Variants in NLN observed in about 807,000 individuals in gnomAD.
NLN encodes neurolysin, mitochondrial.
Under a neutral mutation model 79.9 loss-of-function variants are expected in NLN, and 64 were observed. The ratio of observed to expected loss-of-function variants is 0.80; its 90% CI spans 0.65 to 0.99. The LOEUF (loss-of-function observed/expected upper bound fraction) is 0.99. Among genes scored for constraint, NLN ranks in the 50% least tolerant of loss-of-function variants. The probability of loss-of-function intolerance (pLI) is 0.00; values close to 1 mark genes in which losing one functional copy is unlikely to be tolerated. For missense variants in NLN, 835 were observed against 858.7 expected (o/e 0.97, Z 0.34); for synonymous variants, 267 against 296.6 (o/e 0.90, Z 1.02).
chr5:65,805,218 T>C (rs1760386717), intron 9 of NLN, among the ~76,000 whole-genome samples: 1 of 152,170 alleles, frequency 6.6e-6, no homozygotes, highest in Non-Finnish European at 1.5e-5. Context: ...AATGTTGAAA[T>C]TAGATTAGTC....
chr5:65,730,482 G>A (rs1207063018), intron 1 of NLN, among the ~76,000 whole-genome samples: 3 of 152,048 alleles, frequency 2.0e-5, no homozygotes, highest in East Asian at 3.8e-4. Flanking sequence ...TAAATGTCAG[G>A]CAAGTAAGTA....
chr5:65,770,669 C>T (rs1759547693), intron 3 of NLN, among the ~76,000 whole-genome samples: 1 of 152,326 alleles, frequency 6.6e-6, no homozygotes, highest in Non-Finnish European at 1.5e-5. Context: ...CCCACTCCCA[C>T]CTCAGTATTT....
At chr5:65,802,153 G>C (rs1760299209) in intron 9 of NLN, among the ~76,000 whole-genome samples, 1 of 152,196 alleles carries the variant, frequency 6.6e-6, no homozygotes, top group African/African-American at 2.4e-5. Context: ...GGGCCCACTG[G>C]GCCCACTCAG....
At chr5:65,821,181 A>T in intron 12 of NLN, among the ~76,000 whole-genome samples, 1 of 152,304 alleles carries the variant, frequency 6.6e-6, no homozygotes, top group East Asian at 1.9e-4. Context: ...GAAGTTCGGT[A>T]TCAGTGACTG....
At chr5:65,773,212 A>G (rs1759608597) in intron 3 of NLN, among the ~76,000 whole-genome samples, 1 of 148,310 alleles carries the variant, frequency 6.7e-6, no homozygotes, top group African/African-American at 2.5e-5. Context: ...GCTCACTGCA[A>G]CCTCTGCCTC....
At chr5:65,795,558 A>G (rs1379190565) in intron 9 of NLN, among the ~76,000 whole-genome samples, 6 of 152,158 alleles carry the variant, frequency 3.9e-5, no homozygotes, top group African/African-American at 1.4e-4. Flanking sequence ...ATAGTGGCAC[A>G]TGCCTGTAAT....
chr5:65,766,976 C>G (rs1759465549), intron 3 of NLN, among the ~76,000 whole-genome samples: 1 of 152,242 alleles, frequency 6.6e-6, no homozygotes, highest in Non-Finnish European at 1.5e-5. Flanking sequence ...CCTTGGGTGG[C>G]TCTGCCTCTG....
intron 12 of NLN, among the ~76,000 whole-genome samples, 178 bp from the exon 13 acceptor site, chr5:65,822,603 C>A (rs886376017): frequency 4.6e-5 from 7 of 152,190 alleles, no homozygotes; most frequent in African/African-American, 1.7e-4. Flanking sequence ...AGCTCCAAAT[C>A]TCTTAGCTAC....
chr5:65,774,060 T>G (rs1579939874), intron 3 of NLN, among the ~76,000 whole-genome samples: 1 of 151,720 alleles, frequency 6.6e-6, no homozygotes, highest in Non-Finnish European at 1.5e-5. Flanking sequence ...TCAAAGTTTT[T>G]TTTTTTTTTT....
intron 12 of NLN, among the ~76,000 whole-genome samples, chr5:65,814,425 C>T (rs1000766486): frequency 6.6e-6 from 1 of 152,132 alleles, no homozygotes; most frequent in Non-Finnish European, 1.5e-5. Flanking sequence ...CGTTCTATTT[C>T]GTTCACCTAA....
chr5:65,767,049 A>G (rs896928627), intron 3 of NLN, among the ~76,000 whole-genome samples: 1 of 152,162 alleles, frequency 6.6e-6, no homozygotes, highest in Admixed American at 6.5e-5. Context: ...CAGCTTTTTC[A>G]GGTGCAGGGT....
At chr5:65,727,645 AAG>A (rs1250797949) in intron 1 of NLN, among the ~76,000 whole-genome samples, 7 of 152,232 alleles carry the variant, frequency 4.6e-5, no homozygotes, top group Non-Finnish European at 1.0e-4. Context: ...ATTATAGAAT[AAG>A]AGGGATGAGT....
chr5:65,822,937 T>C lies in NLN; in HGVS notation c.*22T>C. 1.9e-6 allele frequency: 3 copies of C among 1,608,440 alleles called. No individual in the cohort carries two copies. Among genetic ancestry groups the C allele is most frequent in the East Asian group, 2.2e-5 (1 of 44,836 alleles). The stretch of plus-strand genomic sequence containing the variant: ...GTGAACTGGGGATCTTTGGTAGCCG[T>C]CCATGTCTGGAGGACAAGTCGACAT... On this transcript the variant is annotated 3_prime_UTR_variant, in exon 13 of 13. Transcript: ENST00000380985.
intron 1 of NLN, among the ~76,000 whole-genome samples, chr5:65,735,377 ACC>A (rs1758708576): frequency 6.6e-6 from 1 of 152,098 alleles, no homozygotes; most frequent in Non-Finnish European, 1.5e-5. Context: ...TCTCAATATC[ACC>A]TTTTCCTAAA....
intron 2 of NLN, among the ~76,000 whole-genome samples, chr5:65,759,357 G>A (rs922768061): frequency 2.0e-5 from 3 of 151,798 alleles, no homozygotes; most frequent in African/African-American, 7.3e-5. Context: ...GGTTTTGTTA[G>A]GATTCTCTAG....
At position 65,792,490 on chromosome 5, in the gene NLN, C is replaced by T. The variant is rs746951014; in HGVS notation, c.1362C>T (p.Leu454=). The T allele has an allele frequency of 1.9e-6, 3 of 1,614,128 alleles. No homozygotes were observed. The highest frequency in any genetic ancestry group is 2.5e-6 in the Non-Finnish European group (3 of 1,180,008). ...ACAATCATGCGGCCTGCTTCGGTCT[C>T]CAGCCTGGCTGCCTTCTGCCTGATG... ...GKYNHAACFG[L]QPGCLLPDGS... The change falls in exon 9 of 13, where the codon CTC becomes CTT. Residue 454 remains leucine (L), a synonymous_variant. Transcript: ENST00000380985.
chr5:65,809,595 G>T lies in NLN; in HGVS notation c.1608G>T (p.Val536=), dbSNP rs140799100. 2 of 1,613,894 alleles carry T rather than the reference G, an allele frequency of 1.2e-6. No homozygotes were observed. Among genetic ancestry groups the T allele is most frequent in the Middle Eastern group, 1.6e-4 (1 of 6,062 alleles). The change falls in exon 10 of 13, where the codon GTG becomes GTT. Residue 536 remains valine, a synonymous_variant. Transcript: ENST00000380985. ...CATCGCAAATGCTTGAAAATTGGGT[G>T]TGGGACGTCGATTCCCTCCGAAGAT... is the stretch of plus-strand genomic sequence containing the variant. ...EVPSQMLENW[V]WDVDSLRRLS...
chr5:65,728,551 T>TC (rs1219822427), intron 1 of NLN, among the ~76,000 whole-genome samples: 1 of 152,198 alleles, frequency 6.6e-6, no homozygotes, highest in Non-Finnish European at 1.5e-5. Flanking sequence ...AAAAACTTTC[T>TC]CCCAAATTAT....
intron 12 of NLN, 92 bp from the exon 13 acceptor site, chr5:65,822,689 T>A (rs1760828018): frequency 2.2e-6 from 2 of 920,094 alleles, no homozygotes; most frequent in Admixed American, 3.5e-5. Context: ...AAGTCCTTTT[T>A]CCTTCACCCC....
Sources: allele counts gnomAD v4.1 joint callset (sites outside exome capture counted in the v4.1 genomes callset), GRCh38; gene constraint gnomAD v4.1.1; transcripts MANE v1.5; gene names NCBI Gene and HGNC (gene_info 2026-07-23, HGNC 2026-07-21).